The following PACSIN1 variants were observed in gnomAD, a reference collection of about 807,000 sequenced individuals.
PACSIN1 encodes the protein protein kinase C and casein kinase substrate in neurons 1.
PACSIN1 carries 15 observed loss-of-function variants against 59.5 expected under a neutral mutation model. The observed-to-expected ratio is 0.25, with a 90% CI of 0.17 to 0.39. The LOEUF (loss-of-function observed/expected upper bound fraction) is 0.39, where lower values mean the gene tolerates loss of function less well. Among genes scored for constraint, PACSIN1 ranks in the 10% least tolerant of loss-of-function variants. PACSIN1 has a pLI of 1.00. For missense variants in PACSIN1, 420 were observed against 580.2 expected (o/e 0.72, Z 2.84); for synonymous variants, 210 against 220.6 (o/e 0.95, Z 0.42).
chr6:34,467,817 C>T (rs1766519148), intron 1 of PACSIN1, among the ~76,000 whole-genome samples: 1 of 152,154 alleles, frequency 6.6e-6, no homozygotes, highest in Non-Finnish European at 1.5e-5. Flanking sequence ...CTTGGCCTCT[C>T]AAAGTGCTAG....
chr6:34,498,356 G>A (rs1305663121), intron 1 of PACSIN1, among the ~76,000 whole-genome samples: 1 of 151,978 alleles, frequency 6.6e-6, no homozygotes, highest in African/African-American at 2.4e-5. Flanking sequence ...CACCGCGCCC[G>A]GCCCTTTTGC....
At chr6:34,491,445 G>A (rs1407728814) in intron 1 of PACSIN1, among the ~76,000 whole-genome samples, 2 of 152,068 alleles carry the variant, frequency 1.3e-5, no homozygotes, top group African/African-American at 2.4e-5. Flanking sequence ...GGGTCCCAGT[G>A]TTCAGAGGCT....
At position 34,495,472 on chromosome 6, in the gene PACSIN1, A is replaced by G. The variant is rs149033648; in HGVS notation, c.-64+29202A>G. The stretch of plus-strand genomic sequence containing the variant: ...AATATCCTTTTTTTTTTTTTTTTCC[A>G]GACGGAGTCTCACTCTGTCACCCAG... On this transcript the variant is annotated intron_variant, in intron 1 of 9. Transcript: ENST00000244458. Among the ~76,000 whole-genome samples the G allele has an allele frequency of 7.4e-3, 1,096 of 147,696 alleles. 12 individuals carry two copies. The highest frequency in any genetic ancestry group is 0.026 in the African/African-American group (1,040 of 39,842).
Position 34,514,106 on chromosome 6 carries a change from G to A in PACSIN1, c.-63-12137G>A, listed in dbSNP as rs1767247658. 6.6e-6 allele frequency among the ~76,000 whole-genome samples: 1 copy of A among 152,224 alleles called. No individual in the cohort carries two copies. Among genetic ancestry groups the A allele is most frequent in the African/African-American group, 2.4e-5 (1 of 41,458 alleles). ...GCACTGTAGGAAGATACACAGACTT[G>A]TGGAAATGCATGTGTGCAAATATAT... On this transcript the variant is annotated intron_variant, in intron 1 of 9. Coordinates refer to ENST00000244458, the MANE Select transcript of PACSIN1 (RefSeq NM_020804.5). This position sits in a 1 kb window ranked among gnomAD's most constrained non-coding sequence, Gnocchi z 4.4.
intron 1 of PACSIN1, 70 bp downstream of exon 1, chr6:34,466,340 G>C (rs1043427763): frequency 2.0e-5 from 3 of 152,450 alleles, no homozygotes; most frequent in African/African-American, 7.2e-5. Flanking sequence ...GGGAGTGCGT[G>C]TTGGAAGTGG....
chr6:34,527,525 C>G, intron 3 of PACSIN1, 37 bp downstream of exon 3: 1 of 1,540,470 alleles, frequency 6.5e-7, no homozygotes, highest in Non-Finnish European at 8.7e-7. Flanking sequence ...CGCCCCCAGG[C>G]CGTCACGAGC....
At chr6:34,471,972 G>A (rs9469791) in intron 1 of PACSIN1, among the ~76,000 whole-genome samples, 33,842 of 152,056 alleles carry the variant, frequency 0.22, 4,227 homozygotes, top group East Asian at 0.3. Flanking sequence ...AAGATGGGGC[G>A]GAGCTTATTA....
At chr6:34,502,460 CTTT>C (rs562155609) in intron 1 of PACSIN1, among the ~76,000 whole-genome samples, 84 of 59,062 alleles carry the variant, frequency 1.4e-3, no homozygotes, top group African/African-American at 4.3e-3. Context: ...AAGAAGCCAT[CTTT>C]TTTTTTTTTT....
chr6:34,482,378 G>A (rs1029276467), intron 1 of PACSIN1, among the ~76,000 whole-genome samples: 12 of 152,092 alleles, frequency 7.9e-5, no homozygotes, highest in Admixed American at 5.9e-4. Flanking sequence ...GAGCCACTGC[G>A]CCCAGCCTTG....
At chr6:34,520,370 C>G (rs979118941) in intron 1 of PACSIN1, among the ~76,000 whole-genome samples, 1 of 152,154 alleles carries the variant, frequency 6.6e-6, no homozygotes, top group African/African-American at 2.4e-5. Context: ...CTGGTTTCCC[C>G]ATGTCCCTGT....
At chr6:34,502,605 A>G (rs959468215) in intron 1 of PACSIN1, among the ~76,000 whole-genome samples, 1 of 150,794 alleles carries the variant, frequency 6.6e-6, no homozygotes. Context: ...AGCTGGGACT[A>G]CAGGCGCCCA....
chr6:34,487,147 G>T (rs1283267706), intron 1 of PACSIN1, among the ~76,000 whole-genome samples: 1 of 152,124 alleles, frequency 6.6e-6, no homozygotes, highest in Non-Finnish European at 1.5e-5. Context: ...CTCCAGCCTG[G>T]GTGATGGAGT....
At chr6:34,495,554 G>A (rs1766935658) in intron 1 of PACSIN1, among the ~76,000 whole-genome samples, 2 of 151,682 alleles carry the variant, frequency 1.3e-5, no homozygotes, top group Non-Finnish European at 2.9e-5. Flanking sequence ...CCGGGTTCAA[G>A]TAATTCCCCT....
intron 1 of PACSIN1, among the ~76,000 whole-genome samples, chr6:34,498,197 G>A (rs1766974935): frequency 6.6e-6 from 1 of 152,094 alleles, no homozygotes; most frequent in African/African-American, 2.4e-5. Flanking sequence ...AAGTAGCTGG[G>A]ACTACAGGTG....
chr6:34,499,708 A>G (rs1187818366), intron 1 of PACSIN1, among the ~76,000 whole-genome samples: 1 of 152,070 alleles, frequency 6.6e-6, no homozygotes, highest in Non-Finnish European at 1.5e-5. Flanking sequence ...AGGCAGGAGA[A>G]TTGCTTGAAC....
rs573689459 is a variant in PACSIN1, at chr6:34,525,378, G to C, written c.-63-865G>C. 1.3e-5 allele frequency among the ~76,000 whole-genome samples: 2 copies of C among 152,246 alleles called. No individual in the cohort carries two copies. Among genetic ancestry groups the C allele is most frequent in the Non-Finnish European group, 2.9e-5 (2 of 68,044 alleles). On this transcript the variant is annotated intron_variant, in intron 1 of 9. Transcript: ENST00000244458. The surrounding 1 kb of genome is among the most constrained non-coding windows in gnomAD (Gnocchi z 4.9). The stretch of plus-strand genomic sequence containing the variant: ...GTGTTATTGCCCCTGCCCTGAGCCT[G>C]AGAGCCAACTGCTGGACCCCCAGGT...
intron 1 of PACSIN1, among the ~76,000 whole-genome samples, chr6:34,503,461 CGT>C (rs1351191321): frequency 1.3e-5 from 2 of 152,148 alleles, no homozygotes; most frequent in African/African-American, 4.8e-5. Flanking sequence ...GAGTGAGTAT[CGT>C]CAGCACCGTT....
intron 1 of PACSIN1, among the ~76,000 whole-genome samples, chr6:34,487,925 C>A (rs892308436): frequency 1.3e-5 from 2 of 152,150 alleles, no homozygotes; most frequent in Non-Finnish European, 2.9e-5. Flanking sequence ...AATCTGAGCC[C>A]TTATAATAAT....
intron 1 of PACSIN1, among the ~76,000 whole-genome samples, chr6:34,480,775 T>C (rs1017919622): frequency 6.6e-6 from 1 of 152,194 alleles, no homozygotes; most frequent in Non-Finnish European, 1.5e-5. Context: ...TCATAGGGTA[T>C]GTGATCTTCA....
Sources: allele counts gnomAD v4.1 joint callset (sites outside exome capture counted in the v4.1 genomes callset), GRCh38; gene constraint gnomAD v4.1.1; non-coding constraint Gnocchi (gnomAD v3.1); transcripts MANE v1.5; gene names NCBI Gene and HGNC (gene_info 2026-07-23, HGNC 2026-07-21).